CADM2: variants seen among roughly 807,000 people sequenced by gnomAD.
CADM2 encodes cell adhesion molecule 2.
CADM2 carries 12 observed loss-of-function variants against 49.8 expected under a neutral mutation model. The ratio of observed to expected loss-of-function variants is 0.24; its 90% CI spans 0.15 to 0.39. CADM2 has a LOEUF of 0.39. Ranked by LOEUF, CADM2 falls within the 10% of genes least tolerant of loss-of-function variation. CADM2 has a pLI of 1.00. For synonymous variants in CADM2, 214 were observed against 175.4 expected (o/e 1.22, Z -1.74); for missense variants, 378 against 492.3 (o/e 0.77, Z 2.20).
chr3:85,622,950 C>T (rs943160116), intron 1 of CADM2, among the ~76,000 whole-genome samples: 3 of 152,076 alleles, frequency 2.0e-5, no homozygotes, highest in Non-Finnish European at 2.9e-5. Context: ...ACATGTATCT[C>T]ATTCTTGGGA....
intron 3 of CADM2, among the ~76,000 whole-genome samples, chr3:85,819,664 A>T (rs895057706): frequency 1.3e-5 from 2 of 152,184 alleles, no homozygotes; most frequent in Admixed American, 1.3e-4. Context: ...TACAAATTCA[A>T]AAGAAATTAA....
chr3:85,339,538 T>C (rs1285063698), intron 1 of CADM2, among the ~76,000 whole-genome samples: 1 of 149,482 alleles, frequency 6.7e-6, no homozygotes, highest in Non-Finnish European at 1.5e-5. Context: ...ATCTTTTTTT[T>C]CTCCTTTTTT....
rs984992305 is a variant in CADM2, at chr3:85,145,484, A to AT, written c.61+185828dup. 2.1e-3 allele frequency among the ~76,000 whole-genome samples: 301 copies of AT among 145,478 alleles called. 1 individual carries two copies. Among genetic ancestry groups the AT allele is most frequent in the East Asian group, 4.4e-3 (22 of 5,044 alleles). ...AAATCACAGTCTTATATTATTTGCA[A>AT]TTTTTTTTTTTTGGTGAAGAATAGG... On this transcript the variant is annotated intron_variant, in intron 1 of 9. Transcript: ENST00000383699.
intron 1 of CADM2, among the ~76,000 whole-genome samples, chr3:85,692,032 G>A (rs971851685): frequency 6.6e-6 from 1 of 152,096 alleles, no homozygotes; most frequent in Non-Finnish European, 1.5e-5. Context: ...GTTAAATGAC[G>A]AGTTAATGGG....
intron 7 of CADM2, among the ~76,000 whole-genome samples, chr3:85,953,286 C>A (rs868714098): frequency 1.2e-4 from 18 of 150,958 alleles, no homozygotes; most frequent in Admixed American, 3.3e-4. Context: ...TTTTATTACT[C>A]CCAACTCAAT....
intron 1 of CADM2, among the ~76,000 whole-genome samples, chr3:85,426,440 A>G (rs1282503088): frequency 6.6e-6 from 1 of 151,926 alleles, no homozygotes; most frequent in African/African-American, 2.4e-5. Flanking sequence ...GCTTTATACT[A>G]TTTTTTTAAA....
At chr3:84,980,378 T>A (rs1213622581) in intron 1 of CADM2, among the ~76,000 whole-genome samples, 2 of 152,186 alleles carry the variant, frequency 1.3e-5, no homozygotes, top group Non-Finnish European at 2.9e-5. Context: ...ATTAATGGGT[T>A]TCAGAGTAAT....
At chr3:85,147,994 C>G (rs924011623) in intron 1 of CADM2, among the ~76,000 whole-genome samples, 1 of 152,112 alleles carries the variant, frequency 6.6e-6, no homozygotes, top group Non-Finnish European at 1.5e-5. Flanking sequence ...CACCAAGTTG[C>G]TGTTGTTGGA....
chr3:85,912,501 A>G lies in CADM2; in HGVS notation c.658A>G (p.Asn220Asp), dbSNP rs1717749555. Reference protein sequence around the residue: ...VICRVDHESLNATPQVAMQVL... With the variant: ...VICRVDHESLDATPQVAMQVL... ...CTGCAGAGTAGATCACGAATCCCTCAATGCCACCCCTCAGGTAGCCATGCA... is the reference window on the plus strand; with the variant it reads ...CTGCAGAGTAGATCACGAATCCCTCGATGCCACCCCTCAGGTAGCCATGCA... The change falls in exon 6 of 10, where the codon AAT becomes GAT. Residue 220 changes from asparagine to aspartate, a missense_variant. Coordinates refer to ENST00000383699, the MANE Select transcript of CADM2 (RefSeq NM_001167675.2). The G allele has an allele frequency of 1.2e-6, 2 of 1,613,880 alleles. No individual in the cohort carries two copies. The highest frequency in any genetic ancestry group is 8.5e-7 in the Non-Finnish European group (1 of 1,179,936).
At chr3:85,418,521 T>A (rs1292961233) in intron 1 of CADM2, among the ~76,000 whole-genome samples, 1 of 152,180 alleles carries the variant, frequency 6.6e-6, no homozygotes, top group African/African-American at 2.4e-5. Flanking sequence ...CCAAGGTCTA[T>A]TATAGTTCAA....
intron 1 of CADM2, among the ~76,000 whole-genome samples, chr3:85,390,910 C>T (rs886297111): frequency 6.6e-6 from 1 of 152,028 alleles, no homozygotes; most frequent in African/African-American, 2.4e-5. Flanking sequence ...ATCCCTGGGG[C>T]AGCTACTCAC....
intron 8 of CADM2, among the ~76,000 whole-genome samples, chr3:85,968,593 ATT>A (rs568524882): frequency 8.6e-5 from 13 of 151,570 alleles, no homozygotes; most frequent in Non-Finnish European, 4.4e-5. Context: ...TTAAAAAAAT[ATT>A]TTCTCAACTT....
chr3:85,694,390 G>T (rs1156933375), intron 1 of CADM2, among the ~76,000 whole-genome samples: 1 of 152,134 alleles, frequency 6.6e-6, no homozygotes, highest in Non-Finnish European at 1.5e-5. Context: ...GTAAAACACA[G>T]CCAGAAGATG....
At chr3:85,425,983 G>A (rs915766886) in intron 1 of CADM2, among the ~76,000 whole-genome samples, 2 of 152,162 alleles carry the variant, frequency 1.3e-5, no homozygotes, top group African/African-American at 2.4e-5. Context: ...AAGAGCCTAA[G>A]AAGGCTAGAA....
At chr3:85,954,660 G>A (rs1723828390) in intron 7 of CADM2, among the ~76,000 whole-genome samples, 1 of 151,144 alleles carries the variant, frequency 6.6e-6, no homozygotes, top group Admixed American at 6.6e-5. Context: ...AAATGCCTAA[G>A]CTAAAGTTTG....
intron 8 of CADM2, among the ~76,000 whole-genome samples, chr3:86,035,810 A>G (rs1735085973): frequency 6.6e-6 from 1 of 152,122 alleles, no homozygotes; most frequent in South Asian, 2.1e-4. Context: ...ATAAAATATG[A>G]TATACTGGTG....
intron 1 of CADM2, among the ~76,000 whole-genome samples, chr3:85,676,679 C>A (rs2065894503): frequency 6.6e-6 from 1 of 152,010 alleles, no homozygotes; most frequent in African/African-American, 2.4e-5. Context: ...CTTATTATAG[C>A]CTATTCATTA....
chr3:85,042,261 A>G (rs2035471949), intron 1 of CADM2, among the ~76,000 whole-genome samples: 1 of 152,168 alleles, frequency 6.6e-6, no homozygotes, highest in African/African-American at 2.4e-5. Flanking sequence ...GCTTCAACCC[A>G]GCTATTAGTC....
intron 2 of CADM2, among the ~76,000 whole-genome samples, chr3:85,735,483 T>A (rs1439619164): frequency 6.6e-6 from 1 of 152,156 alleles, no homozygotes; most frequent in South Asian, 2.1e-4. Context: ...ATTTTTGGTA[T>A]CCTTCAAGTG....
Sources: gnomAD v4.1 joint callset for allele counts (sites outside exome capture counted in the v4.1 genomes callset) on GRCh38, gnomAD v4.1.1 for gene constraint, MANE v1.5 for transcripts, NCBI Gene and HGNC (gene_info 2026-07-23, HGNC 2026-07-21) for gene names.